Variants in NBAS observed in about 807,000 individuals in gnomAD.
The protein encoded by NBAS is NAG/BC035112 fusion.
NBAS carries 219 observed loss-of-function variants against 302.5 expected under a neutral mutation model. The ratio of observed to expected loss-of-function variants is 0.72; its 90% CI spans 0.65 to 0.81. The LOEUF is 0.81. Ranked by LOEUF, NBAS falls within the 30% of genes least tolerant of loss-of-function variation. NBAS has a pLI of 0.00. For synonymous variants in NBAS, 1,118 were observed against 1,021.6 expected (o/e 1.09, Z -1.80); for missense variants, 2,932 against 2,841.6 (o/e 1.03, Z -0.72).
chr2:15,091,939 A>T, the NBAS span, among the ~76,000 whole-genome samples: 1 of 152,238 alleles, frequency 6.6e-6, no homozygotes, highest in Non-Finnish European at 1.5e-5. Flanking sequence ...AAGACTGCTT[A>T]TGTTATCAGT....
the NBAS span, among the ~76,000 whole-genome samples, chr2:14,797,755 T>C: frequency 5.3e-5 from 8 of 151,984 alleles, no homozygotes; most frequent in Non-Finnish European, 1.5e-5. Flanking sequence ...CCACAGACTG[T>C]TGGGATGAGT....
chr2:15,366,291 CT>C (rs1296694907), intron 32 of NBAS, among the ~76,000 whole-genome samples: 3 of 152,150 alleles, frequency 2.0e-5, no homozygotes, highest in Non-Finnish European at 2.9e-5. Context: ...ATAAGCTTGT[CT>C]TCGTTTAAGT....
the NBAS span, among the ~76,000 whole-genome samples, chr2:15,030,565 C>T: frequency 6.6e-6 from 1 of 152,196 alleles, no homozygotes; most frequent in Non-Finnish European, 1.5e-5. Flanking sequence ...GTGGGCACCT[C>T]TCTTTCTGCC....
At chr2:15,119,224 A>G in the NBAS span, among the ~76,000 whole-genome samples, 1 of 152,022 alleles carries the variant, frequency 6.6e-6, no homozygotes, top group Non-Finnish European at 1.5e-5. Flanking sequence ...TATGTGCCAG[A>G]GTGTGGCCAC....
rs146990565 is a variant in NBAS, at chr2:15,253,129, C to T, written c.5725-14443G>A. On this transcript the variant is annotated intron_variant, in intron 44 of 51. Coordinates refer to ENST00000281513, the MANE Select transcript of NBAS (RefSeq NM_015909.4). Reference sequence around the variant, plus strand: ...AATGTTCTAAGGCTGTAACTCTCAACGTTTTACTGTGCTCCAAAAAACCTA... The same window carrying T: ...AATGTTCTAAGGCTGTAACTCTCAATGTTTTACTGTGCTCCAAAAAACCTA... Among the ~76,000 whole-genome samples, 146 of 152,232 alleles carry T rather than the reference C, an allele frequency of 9.6e-4. 1 individual carries two copies. Among genetic ancestry groups the T allele is most frequent in the African/African-American group, 3.1e-3 (130 of 41,536 alleles).
chr2:15,504,021 A>C, intron 11 of NBAS, 124 bp downstream of exon 11: 1 of 761,508 alleles, frequency 1.3e-6, no homozygotes, highest in South Asian at 1.4e-5. Flanking sequence ...ATAGCCACAT[A>C]GTGTATATGA....
intron 51 of NBAS, among the ~76,000 whole-genome samples, chr2:15,176,551 C>T (rs1045735745): frequency 1.3e-5 from 2 of 152,110 alleles, no homozygotes; most frequent in African/African-American, 4.8e-5. Context: ...ATGTCAGCAA[C>T]CGGGTCATAA....
intron 47 of NBAS, 39 bp from the exon 48 acceptor site, chr2:15,219,007 G>A (rs374880693): frequency 1.4e-5 from 22 of 1,609,406 alleles, no homozygotes; most frequent in East Asian, 1.1e-4. Flanking sequence ...AAACTCCTAA[G>A]CCTTTTATTT....
intron 44 of NBAS, among the ~76,000 whole-genome samples, chr2:15,242,666 T>C (rs1667918634): frequency 6.6e-6 from 1 of 151,658 alleles, no homozygotes; most frequent in Admixed American, 6.6e-5. Flanking sequence ...ATTTCTTTAC[T>C]GTATCTAGTG....
chr2:15,561,322 G>C lies in NBAS; in HGVS notation c.-18C>G, dbSNP rs527424909. 3.7e-6 allele frequency: 6 copies of C among 1,606,824 alleles called. No homozygotes were observed. In the East Asian group the frequency reaches 8.9e-5, roughly 24 times the overall value. Reference sequence around the variant, plus strand: ...GCCGCCATGTTCGCCGAGGACTCAGGCAGCGGAGGAGTGTCTCTACGGAAT... The same window carrying C: ...GCCGCCATGTTCGCCGAGGACTCAGCCAGCGGAGGAGTGTCTCTACGGAAT... On this transcript the variant is annotated 5_prime_UTR_variant, in exon 1 of 52. Coordinates refer to ENST00000281513, the MANE Select transcript of NBAS (RefSeq NM_015909.4).
the NBAS span, among the ~76,000 whole-genome samples, chr2:15,035,338 G>A: frequency 8.5e-5 from 13 of 152,164 alleles, no homozygotes; most frequent in Admixed American, 6.5e-4. Context: ...ACAGATCCTG[G>A]AGAGGCTGCA....
chr2:15,208,305 C>T lies in NBAS; in HGVS notation c.6432+10468G>A, dbSNP rs552529482. 3.4e-4 allele frequency among the ~76,000 whole-genome samples: 51 copies of T among 152,238 alleles called. No homozygotes were observed. The South Asian group carries it at 0.01, about 30-fold the overall frequency. On this transcript the variant is annotated intron_variant, in intron 48 of 51. Coordinates refer to ENST00000281513, the MANE Select transcript of NBAS (RefSeq NM_015909.4). ...ATCTTATGAGATTTATTCACTACCACGAGAACAGTATGGGGGAAAGTGCCC... is the reference window on the plus strand; with the variant it reads ...ATCTTATGAGATTTATTCACTACCATGAGAACAGTATGGGGGAAAGTGCCC...
the NBAS span, among the ~76,000 whole-genome samples, chr2:15,161,551 A>G: frequency 3.3e-5 from 5 of 152,298 alleles, no homozygotes; most frequent in Non-Finnish European, 1.5e-5. Context: ...CAGAAGAGAA[A>G]GTTCACCCCT....
chr2:15,127,806 C>T, the NBAS span, among the ~76,000 whole-genome samples: 6 of 152,100 alleles, frequency 3.9e-5, no homozygotes, highest in Non-Finnish European at 8.8e-5. Context: ...GATGTGGGCC[C>T]CAAGATTGGG....
At chr2:14,922,185 C>T in the NBAS span, among the ~76,000 whole-genome samples, 2 of 152,294 alleles carry the variant, frequency 1.3e-5, no homozygotes, top group African/African-American at 4.8e-5. Context: ...TGGAGAGAGT[C>T]CAGGCAGGGC....
intron 11 of NBAS, among the ~76,000 whole-genome samples, chr2:15,494,943 C>G (rs575539258): frequency 3.7e-4 from 57 of 152,262 alleles, no homozygotes; most frequent in Admixed American, 1.2e-3. Flanking sequence ...ATGTGGCATG[C>G]TCCAGATGAC....
chr2:15,074,372 T>A, the NBAS span, among the ~76,000 whole-genome samples: 22 of 95,564 alleles, frequency 2.3e-4, no homozygotes, highest in Admixed American at 9.9e-4. Flanking sequence ...GAAGGAAGGA[T>A]GGAAAGAAGG....
rs1664803760 is a variant in NBAS, at chr2:15,559,364, T to C, written c.118-730A>G. 1.3e-5 allele frequency among the ~76,000 whole-genome samples: 2 copies of C among 152,168 alleles called. 1 individual carries two copies. Among genetic ancestry groups the C allele is most frequent in the South Asian group, 4.1e-4 (2 of 4,824 alleles). On this transcript the variant is annotated intron_variant, in intron 1 of 51. Transcript: ENST00000281513. ...TGTTGTGTATCTATACAGACAATGC[T>C]ACTAACAAAACATACACAGATACGT...
chr2:15,398,250 C>T (rs1429556372), intron 26 of NBAS, among the ~76,000 whole-genome samples: 1 of 151,956 alleles, frequency 6.6e-6, no homozygotes, highest in Non-Finnish European at 1.5e-5. Flanking sequence ...CTCAAGCGAT[C>T]CTCCTGGCTC....
Sources: allele counts gnomAD v4.1 joint callset (sites outside exome capture counted in the v4.1 genomes callset), GRCh38; gene constraint gnomAD v4.1.1; transcripts MANE v1.5; gene names NCBI Gene and HGNC (gene_info 2026-07-23, HGNC 2026-07-21).